PCDHA8: variants seen among roughly 807,000 people sequenced by gnomAD.
PCDHA8 encodes the protein protocadherin alpha-8.
In PCDHA8, 53 loss-of-function variants were observed where a neutral mutation model predicts 61.8. The ratio of observed to expected loss-of-function variants is 0.86; its 90% CI spans 0.69 to 1.08. The LOEUF is 1.08. Ranked by LOEUF, PCDHA8 falls within the 50% of genes least tolerant of loss-of-function variation. The probability of loss-of-function intolerance (pLI) is 0.00; values close to 1 mark genes in which losing one functional copy is unlikely to be tolerated. For synonymous variants in PCDHA8, 618 were observed against 556.6 expected (o/e 1.11, Z -1.55); for missense variants, 1,293 against 1,245.0 (o/e 1.04, Z -0.58).
chr5:140,891,742 A>T (rs2063228656), intron 1 of PCDHA8, among the ~76,000 whole-genome samples: 1 of 152,150 alleles, frequency 6.6e-6, no homozygotes, highest in African/African-American at 2.4e-5. Context: ...TCAATCCCTT[A>T]TACAACAGTG....
chr5:140,942,120 A>G (rs2093234009), intron 1 of PCDHA8, among the ~76,000 whole-genome samples: 1 of 152,234 alleles, frequency 6.6e-6, no homozygotes, highest in South Asian at 2.1e-4. Flanking sequence ...ACTTTATTAA[A>G]GGTGATATTT....
chr5:141,001,913 C>T (rs545106723), intron 3 of PCDHA8, among the ~76,000 whole-genome samples: 2 of 152,296 alleles, frequency 1.3e-5, no homozygotes, highest in South Asian at 2.1e-4. Flanking sequence ...AAAAAGACTG[C>T]AGTGGCTGAC....
chr5:140,842,931 C>A lies in PCDHA8; in HGVS notation c.1610C>A (p.Ala537Glu). 2 of 1,594,502 alleles carry A rather than the reference C, an allele frequency of 1.3e-6. No homozygotes were observed. The highest frequency in any genetic ancestry group is 1.7e-6 in the Non-Finnish European group (2 of 1,165,448). The change falls in exon 1 of 4, where the codon GCG becomes GAG. Residue 537 changes from alanine to glutamate, a missense_variant. Coordinates refer to ENST00000531613, the MANE Select transcript of PCDHA8 (RefSeq NM_018911.3). ...GAGCTGCTGCAGTTCCAGGTGAGCG[C>A]GCGCGACGCGGGCGTGCCGCCTCTG... The part of the protein sequence containing the change: ...ELELLQFQVS[A>E]RDAGVPPLGS...
chr5:140,863,231 C>T lies in PCDHA8; in HGVS notation c.2394+19516C>T, dbSNP rs189351986. On this transcript the variant is annotated intron_variant, in intron 1 of 3. Coordinates refer to ENST00000531613, the MANE Select transcript of PCDHA8 (RefSeq NM_018911.3). The stretch of plus-strand genomic sequence containing the variant: ...AGCAGCCAAGCGAGGAAGGTCCCAT[C>T]GCGGGCTTTGGCGGGCGTCGAGGTC... 2.5e-3 allele frequency: 3,078 copies of T among 1,227,642 alleles called. 13 individuals are homozygous for T. Among genetic ancestry groups the T allele is most frequent in the Middle Eastern group, 9.9e-3 (48 of 4,856 alleles). The allele number at this position is 1,227,642 out of a possible 1,614,324, so 76.0% of individuals were successfully genotyped here.
At chr5:140,943,861 A>AG (rs2093579644) in intron 1 of PCDHA8, among the ~76,000 whole-genome samples, 1 of 152,230 alleles carries the variant, frequency 6.6e-6, no homozygotes, top group South Asian at 2.1e-4. Flanking sequence ...AGTCAAGAAG[A>AG]GGTCTCTGAA....
chr5:140,881,350 T>C, intron 1 of PCDHA8: 1 of 985,354 alleles, frequency 1.0e-6, no homozygotes, highest in Non-Finnish European at 1.2e-6. Flanking sequence ...CGGGCTACAA[T>C]GCGTGGCTTT....
intron 3 of PCDHA8, among the ~76,000 whole-genome samples, chr5:141,003,222 G>A (rs1221950770): frequency 2.6e-5 from 4 of 152,224 alleles, no homozygotes; most frequent in Non-Finnish European, 4.4e-5. Flanking sequence ...CATGAAAGAG[G>A]AAAGCTGGAA....
chr5:140,849,100 G>C lies in PCDHA8; in HGVS notation c.2394+5385G>C, dbSNP rs1554142751. 2.0e-6 allele frequency: 3 copies of C among 1,471,168 alleles called. No individual in the cohort carries two copies. The Admixed American group carries it at 6.2e-5, about 30-fold the overall frequency. The allele number at this position is 1,471,168 out of a possible 1,614,324, so 91.1% of individuals were successfully genotyped here. A position where few individuals can be genotyped will look rare whatever the true frequency, so the allele number is the denominator to read the frequency against. Reference sequence around the variant, plus strand: ...CTTGTATTACGGAAACTTTTAGACAGAGAAGAAACTCCGGAGCTTCATTTA... The same window carrying C: ...CTTGTATTACGGAAACTTTTAGACACAGAAGAAACTCCGGAGCTTCATTTA... On this transcript the variant is annotated intron_variant, in intron 1 of 3. Transcript: ENST00000531613.
At chr5:140,862,657 C>A (rs2047475881) in intron 1 of PCDHA8, 6 of 545,246 alleles carry the variant, frequency 1.1e-5, no homozygotes, top group Admixed American at 9.6e-5. Flanking sequence ...CGCGCGGGAC[C>A]GGGACGCGCA....
intron 1 of PCDHA8, chr5:140,869,893 C>T (rs375422597): frequency 6.2e-7 from 1 of 1,610,510 alleles, no homozygotes; most frequent in Admixed American, 1.7e-5. Flanking sequence ...TGTGCTCAAA[C>T]TAAACGCCAC....
chr5:140,888,446 A>G (rs1411131603), intron 1 of PCDHA8, among the ~76,000 whole-genome samples: 3 of 152,190 alleles, frequency 2.0e-5, no homozygotes, highest in Non-Finnish European at 2.9e-5. Context: ...GCCCAACAAT[A>G]AAGAATTAGC....
chr5:140,843,314 GT>G lies in PCDHA8; in HGVS notation c.1995del (p.Leu666TrpfsTer35), dbSNP rs2150357252. 6.3e-6 allele frequency: 10 copies of G among 1,596,084 alleles called. 1 individual carries two copies. The highest frequency in any genetic ancestry group is 8.6e-6 in the Non-Finnish European group (10 of 1,165,598). ...GEPALTATAT[V>X]LVSLVESGQA... is the part of the protein sequence containing the mutation. ...ACCTGCGCTGACCGCCACGGCCACGGTTCTGGTGTCGCTGGTGGAGAGCGGC... is the reference window on the plus strand; with the variant it reads ...ACCTGCGCTGACCGCCACGGCCACGGTCTGGTGTCGCTGGTGGAGAGCGGC... On this transcript the variant is annotated frameshift_variant, in exon 1 of 4. Transcript: ENST00000531613. LOFTEE classifies it high-confidence loss of function.
intron 1 of PCDHA8, among the ~76,000 whole-genome samples, chr5:140,896,063 G>A (rs531616608): frequency 1.4e-3 from 217 of 152,130 alleles, no homozygotes; most frequent in African/African-American, 4.7e-3. Flanking sequence ...CGCCTGCCTC[G>A]GCCTCCCAAC....
At chr5:140,868,256 T>TGG (rs2050360583) in intron 1 of PCDHA8, 1 of 152,126 alleles carries the variant, frequency 6.6e-6, no homozygotes, top group Non-Finnish European at 1.5e-5. Context: ...TTTTCCTTTG[T>TGG]GGATTCTTTT....
At chr5:140,870,860 C>A (rs782404408) in intron 1 of PCDHA8, 6 of 1,613,882 alleles carry the variant, frequency 3.7e-6, no homozygotes, top group Non-Finnish European at 2.5e-6. Context: ...TCGGTGGGTG[C>A]GGGCCACGTG....
intron 1 of PCDHA8, among the ~76,000 whole-genome samples, chr5:140,926,178 GC>G (rs1221259064): frequency 6.6e-6 from 1 of 151,700 alleles, no homozygotes; most frequent in South Asian, 2.2e-4. Flanking sequence ...AGCGCGGAAA[GC>G]CCCCCGCAGC....
Position 140,980,736 on chromosome 5 carries a change from A to G in PCDHA8, c.2453+1729A>G, listed in dbSNP as rs1014210313. 6.6e-5 allele frequency among the ~76,000 whole-genome samples: 10 copies of G among 152,312 alleles called. No individual in the cohort carries two copies. The East Asian group carries it at 1.9e-3, about 29-fold the overall frequency. ...TTCGGGTTTCAATTAAGATATTATG[A>G]GATTTGAGTAGGGTAAGAAATAAAA... On this transcript the variant is annotated intron_variant, in intron 2 of 3. Transcript: ENST00000531613.
intron 3 of PCDHA8, among the ~76,000 whole-genome samples, chr5:141,005,701 CAAAAAAAAAA>C (rs59860837): frequency 9.0e-4 from 7 of 7,792 alleles, no homozygotes; most frequent in East Asian, 6.4e-3. Context: ...AACTCCGTCT[CAAAAAAAAAA>C]AAAAAAAAAA....
At chr5:140,946,241 T>A (rs797039382) in intron 1 of PCDHA8, among the ~76,000 whole-genome samples, 5 of 152,044 alleles carry the variant, frequency 3.3e-5, no homozygotes, top group African/African-American at 1.2e-4. Context: ...ATGCTCAACA[T>A]CATGAATCAT....
Sources: gnomAD v4.1 joint callset for allele counts (sites outside exome capture counted in the v4.1 genomes callset) on GRCh38, gnomAD v4.1.1 for gene constraint, MANE v1.5 for transcripts, NCBI Gene and HGNC (gene_info 2026-07-23, HGNC 2026-07-21) for gene names.